Variants in GUCY1A2 observed in about 807,000 individuals in gnomAD.
GUCY1A2 encodes guanylate cyclase soluble subunit alpha-2.
A neutral mutation model predicts 63.5 loss-of-function variants in GUCY1A2; 27 were observed. The ratio of observed to expected loss-of-function variants is 0.43; its 90% CI spans 0.31 to 0.59. The LOEUF is 0.59. GUCY1A2 is among the 20% of genes least tolerant of loss of function. GUCY1A2 has a pLI of 0.11. For synonymous variants in GUCY1A2, 364 were observed against 343.5 expected, an observed-to-expected ratio of 1.06 and a Z score of -0.66; for missense variants, 768 against 913.3, an observed-to-expected ratio of 0.84 and a Z score of 2.05.
At chr11:106,945,611 A>C (rs1441280409) in intron 3 of GUCY1A2, among the ~76,000 whole-genome samples, 1 of 152,212 alleles carries the variant, frequency 6.6e-6, no homozygotes, top group Non-Finnish European at 1.5e-5. Flanking sequence ...TACATATTAG[A>C]CATGTATTAT....
chr11:106,848,258 C>A, intron 4 of GUCY1A2, among the ~76,000 whole-genome samples: 1 of 151,514 alleles, frequency 6.6e-6, no homozygotes, highest in East Asian at 1.9e-4. Flanking sequence ...AAGCCATGAG[C>A]AGAAAATAAA....
At chr11:106,691,876 C>T (rs1243342921) in intron 7 of GUCY1A2, among the ~76,000 whole-genome samples, 1 of 152,120 alleles carries the variant, frequency 6.6e-6, no homozygotes, top group Non-Finnish European at 1.5e-5. Context: ...TTACAGCAGA[C>T]TTTGTAGATA....
chr11:106,839,915 G>A (rs1025401519), intron 4 of GUCY1A2, among the ~76,000 whole-genome samples: 20 of 151,302 alleles, frequency 1.3e-4, no homozygotes, highest in Non-Finnish European at 2.4e-4. Flanking sequence ...TGTAAATGAC[G>A]AGTTAATGGG....
intron 5 of GUCY1A2, among the ~76,000 whole-genome samples, chr11:106,791,533 G>A (rs1864660227): frequency 8.4e-6 from 1 of 118,732 alleles, no homozygotes; most frequent in East Asian, 2.3e-4. Flanking sequence ...GTGTCCCTGT[G>A]AAGGAGACAG....
intron 7 of GUCY1A2, among the ~76,000 whole-genome samples, chr11:106,699,905 A>G (rs946042613): frequency 6.6e-6 from 1 of 151,316 alleles, no homozygotes; most frequent in East Asian, 1.9e-4. Flanking sequence ...CCTCAGCCTC[A>G]CGAGTAGCTG....
chr11:106,773,769 CTAGA>C (rs1204792451), intron 6 of GUCY1A2, among the ~76,000 whole-genome samples: 1 of 152,136 alleles, frequency 6.6e-6, no homozygotes, highest in African/African-American at 2.4e-5. Context: ...ACAAGGTTAA[CTAGA>C]TACTTATTGA....
rs779395967 is a variant in GUCY1A2 at position 106,810,107 on chromosome 11, G to A, written c.1578C>T (p.Asp526=). The A allele has an allele frequency of 6.3e-5, 102 of 1,613,924 alleles. No homozygotes were observed. The highest frequency in any genetic ancestry group is 5.8e-4 in the Admixed American group (35 of 59,954). The change falls in exon 5 of 8, where the codon GAC becomes GAT. Residue 526 remains aspartate, a synonymous_variant. Transcript: ENST00000526355. ...CACATATGGCTGTGAAGCCAACAATGTCTGAAAAGAGCATGGTGACATCAT... is the reference window on the plus strand; with the variant it reads ...CACATATGGCTGTGAAGCCAACAATATCTGAAAAGAGCATGGTGACATCAT... ...KFDDVTMLFS[D]IVGFTAICAQ...
intron 4 of GUCY1A2, among the ~76,000 whole-genome samples, chr11:106,816,183 A>C (rs888808789): frequency 2.6e-5 from 4 of 150,952 alleles, no homozygotes; most frequent in South Asian, 2.1e-4. Context: ...AAAAAAAAAA[A>C]AAAAAACCCA....
chr11:106,827,623 GT>G, intron 4 of GUCY1A2: 1 of 1,525,960 alleles, frequency 6.6e-7, no homozygotes, highest in East Asian at 2.3e-5. Flanking sequence ...TCACTCTTCA[GT>G]TGCTTTACGC....
chr11:107,005,327 T>G (rs774135088), intron 1 of GUCY1A2, among the ~76,000 whole-genome samples: 3 of 152,194 alleles, frequency 2.0e-5, no homozygotes, highest in Non-Finnish European at 4.4e-5. Flanking sequence ...AAGCTGCCAT[T>G]CAGTAGTGTG....
At chr11:106,836,037 TATTG>T (rs2135439917) in intron 4 of GUCY1A2, among the ~76,000 whole-genome samples, 1 of 152,154 alleles carries the variant, frequency 6.6e-6, no homozygotes, top group South Asian at 2.1e-4. Context: ...TGATTCTTTG[TATTG>T]AGTGAGTTTA....
intron 4 of GUCY1A2, chr11:106,827,732 G>A (rs1858991016): frequency 6.5e-7 from 1 of 1,538,044 alleles, no homozygotes; most frequent in East Asian, 2.2e-5. Flanking sequence ...AAATCTGCTT[G>A]AAATTTGTAA....
chr11:106,784,727 T>C (rs1272833162), intron 5 of GUCY1A2, among the ~76,000 whole-genome samples: 1 of 152,196 alleles, frequency 6.6e-6, no homozygotes, highest in East Asian at 1.9e-4. Context: ...AATATGAAGA[T>C]CTGCATTATA....
intron 6 of GUCY1A2, among the ~76,000 whole-genome samples, chr11:106,728,289 G>C (rs1004716512): frequency 2.0e-5 from 3 of 151,932 alleles, no homozygotes; most frequent in Non-Finnish European, 4.4e-5. Context: ...CTGACTTCTT[G>C]CCCTCCTTTC....
chr11:106,827,559 C>CA (rs1407074421), intron 4 of GUCY1A2: 1 of 1,455,724 alleles, frequency 6.9e-7, no homozygotes, highest in Non-Finnish European at 9.7e-7. Flanking sequence ...CTCCAGCACA[C>CA]AGAGTTTCTT....
chr11:106,944,214 C>CAAAAAAAAAAAAAAA (rs1487076744), intron 3 of GUCY1A2, among the ~76,000 whole-genome samples: 1 of 13,376 alleles, frequency 7.5e-5, no homozygotes, highest in African/African-American at 8.2e-4. Context: ...GACCCTGTCT[C>CAAAAAAAAAAAAAAA]CAAAAAAAAA....
chr11:106,724,692 T>C lies in GUCY1A2; in HGVS notation c.1837-16026A>G, dbSNP rs147015614. Reference sequence around the variant, plus strand: ...GCAATATATTATCTGCCTGCCCTTATGAGTGAGTCATTGTTACTCTCGCAG... The same window carrying C: ...GCAATATATTATCTGCCTGCCCTTACGAGTGAGTCATTGTTACTCTCGCAG... On this transcript the variant is annotated intron_variant, in intron 6 of 7. Transcript: ENST00000526355. Among the ~76,000 whole-genome samples, 11 of 152,360 alleles carry C rather than the reference T, an allele frequency of 7.2e-5. No individual in the cohort carries two copies. The East Asian group carries it at 2.1e-3, about 29-fold the overall frequency.
chr11:106,777,408 C>T (rs1439688116), intron 5 of GUCY1A2, among the ~76,000 whole-genome samples: 1 of 144,638 alleles, frequency 6.9e-6, no homozygotes, highest in Non-Finnish European at 1.5e-5. Flanking sequence ...GATTGCACCA[C>T]TGCGCTCCAG....
At chr11:106,720,383 C>A (rs184799171) in intron 6 of GUCY1A2, among the ~76,000 whole-genome samples, 3 of 152,274 alleles carry the variant, frequency 2.0e-5, no homozygotes, top group Admixed American at 2.0e-4. Flanking sequence ...GGGTGGAGGG[C>A]ATTTTAAGCT....
Sources: allele counts gnomAD v4.1 joint callset (sites outside exome capture counted in the v4.1 genomes callset), GRCh38; gene constraint gnomAD v4.1.1; transcripts MANE v1.5; gene names NCBI Gene and HGNC (gene_info 2026-07-23, HGNC 2026-07-21).